The following LAMA2 variants were observed in gnomAD, a reference collection of about 807,000 sequenced individuals.
LAMA2 encodes the protein laminin subunit alpha-2.
In LAMA2, 269 loss-of-function variants were observed where a neutral mutation model predicts 364.8. The ratio of observed to expected loss-of-function variants is 0.74; its 90% CI spans 0.67 to 0.82. The LOEUF (loss-of-function observed/expected upper bound fraction) is 0.82. Ranked by LOEUF, LAMA2 falls within the 40% of genes least tolerant of loss-of-function variation. The pLI is 0.00. For synonymous variants in LAMA2, 1,379 were observed against 1,370.6 expected (o/e 1.01, Z -0.14); for missense variants, 3,807 against 3,873.2 (o/e 0.98, Z 0.45).
At chr6:128,947,114 A>G (rs1235557919) in intron 1 of LAMA2, among the ~76,000 whole-genome samples, 3 of 152,206 alleles carry the variant, frequency 2.0e-5, no homozygotes, top group Non-Finnish European at 4.4e-5. Flanking sequence ...TGGTTCACTA[A>G]GCCTTAATTA....
chr6:129,474,680 C>G (rs1170994270), intron 52 of LAMA2, among the ~76,000 whole-genome samples: 3 of 152,184 alleles, frequency 2.0e-5, no homozygotes, highest in Middle Eastern at 3.4e-3. Context: ...TCAAATCTAG[C>G]TTCATTTATT....
chr6:129,269,559 T>C (rs184960880), intron 16 of LAMA2, among the ~76,000 whole-genome samples: 44 of 152,186 alleles, frequency 2.9e-4, no homozygotes, highest in African/African-American at 8.2e-4. Context: ...AGATTTTCAG[T>C]TGAATGTTAG....
chr6:129,440,580 A>G (rs1562565764), intron 42 of LAMA2, among the ~76,000 whole-genome samples: 1 of 152,178 alleles, frequency 6.6e-6, no homozygotes, highest in Non-Finnish European at 1.5e-5. Flanking sequence ...CATTTAGAAT[A>G]GTCACGTCAC....
intron 4 of LAMA2, among the ~76,000 whole-genome samples, chr6:129,101,707 T>C (rs1016833835): frequency 4.6e-5 from 7 of 152,202 alleles, no homozygotes; most frequent in African/African-American, 1.7e-4. Flanking sequence ...CCACACTGGA[T>C]TGGGCAGAAA....
At chr6:129,360,556 G>A (rs1777402436) in intron 32 of LAMA2, among the ~76,000 whole-genome samples, 1 of 152,190 alleles carries the variant, frequency 6.6e-6, no homozygotes, top group Non-Finnish European at 1.5e-5. Flanking sequence ...ACAGATGTTA[G>A]TATATTGCTT....
At chr6:129,147,908 TTTC>T in intron 6 of LAMA2, among the ~76,000 whole-genome samples, 2 of 151,146 alleles carry the variant, frequency 1.3e-5, no homozygotes, top group Middle Eastern at 6.8e-3. Context: ...GTATGGGTGC[TTTC>T]TTCTTTTTTT....
intron 1 of LAMA2, among the ~76,000 whole-genome samples, chr6:129,018,003 T>G (rs1240193178): frequency 6.6e-6 from 1 of 151,896 alleles, no homozygotes; most frequent in Non-Finnish European, 1.5e-5. Context: ...CTCTTTCCAT[T>G]ATGTGATTTG....
At chr6:128,978,031 T>C (rs561013202) in intron 1 of LAMA2, among the ~76,000 whole-genome samples, 3 of 152,250 alleles carry the variant, frequency 2.0e-5, no homozygotes, top group East Asian at 3.9e-4. Context: ...AACAAGCCAT[T>C]CCATGATTTA....
chr6:129,242,228 C>T (rs1376796077), intron 12 of LAMA2, among the ~76,000 whole-genome samples: 1 of 152,124 alleles, frequency 6.6e-6, no homozygotes, highest in Non-Finnish European at 1.5e-5. Flanking sequence ...TACTGTCCAA[C>T]ATGATGAATA....
intron 4 of LAMA2, among the ~76,000 whole-genome samples, chr6:129,136,934 A>T (rs1431886960): frequency 2.0e-5 from 3 of 152,150 alleles, no homozygotes; most frequent in African/African-American, 7.2e-5. Flanking sequence ...AGGATCTTCC[A>T]TTCAGTTATT....
chr6:129,071,669 T>A (rs535899284), intron 3 of LAMA2, among the ~76,000 whole-genome samples: 1 of 152,336 alleles, frequency 6.6e-6, no homozygotes, highest in Admixed American at 6.5e-5. Flanking sequence ...CTCTGAGTTA[T>A]ATAGAAGTGA....
intron 28 of LAMA2, among the ~76,000 whole-genome samples, chr6:129,323,702 T>A (rs1322967630): frequency 6.6e-6 from 1 of 152,204 alleles, no homozygotes; most frequent in African/African-American, 2.4e-5. Context: ...GTTGAAAGGT[T>A]ATATGCAGGT....
intron 12 of LAMA2, among the ~76,000 whole-genome samples, chr6:129,205,487 TATATATACACACACACACAC>T (rs1562329974): frequency 1.6e-5 from 2 of 122,302 alleles, no homozygotes; most frequent in African/African-American, 8.1e-5. Context: ...AGTATATATA[TATATATACACACACACACAC>T]ACACACACAC....
rs774673231 is a variant in LAMA2, at chr6:129,241,818, TG to T, written c.1783-8293del. Among the ~76,000 whole-genome samples the T allele has an allele frequency of 4.6e-5, 7 of 152,334 alleles. No homozygotes were observed. In the South Asian group the frequency reaches 1.4e-3, roughly 32 times the overall value. On this transcript the variant is annotated intron_variant, in intron 12 of 64. Coordinates refer to ENST00000421865, the MANE Select transcript of LAMA2 (RefSeq NM_000426.4). ...CTCTGGAGTGTGACTTAGTATCCAT[TG>T]CACCTTTGGGATTCTTATCTTCTAA...
At position 129,266,143 on chromosome 6, in the gene LAMA2, C is replaced by T. The variant is rs368206799; in HGVS notation, c.2209-963C>T. Among the ~76,000 whole-genome samples, 486 of 152,038 alleles carry T rather than the reference C, an allele frequency of 3.2e-3. 3 individuals carry two copies. The highest frequency in any genetic ancestry group is 0.011 in the African/African-American group (462 of 41,486). On this transcript the variant is annotated intron_variant, in intron 15 of 64. Transcript: ENST00000421865. ...TTTTCATGATATATGATGTTGTACT[C>T]GACCATCCAGAAATATAGTAAATAA...
At chr6:129,128,434 A>G (rs76200266) in intron 4 of LAMA2, among the ~76,000 whole-genome samples, 7,815 of 152,186 alleles carry the variant, frequency 0.051, 708 homozygotes, top group African/African-American at 0.18. Context: ...GTAGTGTGAT[A>G]TCTTTATTTT....
In LAMA2 at chr6:129,308,624, T is replaced by A. The variant is rs115042836; in HGVS notation, c.3175-4237T>A. ...TTCTGAATCGAGAAATACTTCACCA[T>A]TATGAAGAATTACAAAAAAAAACAA... On this transcript the variant is annotated intron_variant, in intron 22 of 64. Transcript: ENST00000421865. Among the ~76,000 whole-genome samples, 316 of 152,276 alleles carry A rather than the reference T, an allele frequency of 2.1e-3. 1 individual carries two copies. The highest frequency in any genetic ancestry group is 6.9e-3 in the African/African-American group (286 of 41,546).
At chr6:129,349,012 G>A (rs888406658) in intron 30 of LAMA2, among the ~76,000 whole-genome samples, 1 of 152,012 alleles carries the variant, frequency 6.6e-6, no homozygotes, top group African/African-American at 2.4e-5. Context: ...TGGATGTTTA[G>A]TATATTCATG....
intron 18 of LAMA2, among the ~76,000 whole-genome samples, chr6:129,281,690 G>A (rs978169032): frequency 6.6e-6 from 1 of 152,058 alleles, no homozygotes; most frequent in Admixed American, 6.6e-5. Context: ...AAATCACCAA[G>A]GAGAGAAATA....
Sources: gnomAD v4.1 joint callset for allele counts (sites outside exome capture counted in the v4.1 genomes callset) on GRCh38, gnomAD v4.1.1 for gene constraint, MANE v1.5 for transcripts, NCBI Gene and HGNC (gene_info 2026-07-23, HGNC 2026-07-21) for gene names.